LHFPL6: variants seen among roughly 807,000 people sequenced by gnomAD.
The protein encoded by LHFPL6 is LHFPL tetraspan subfamily member 6.
LHFPL6 carries 9 observed loss-of-function variants against 20.6 expected under a neutral mutation model. That is an observed-to-expected ratio of 0.44 (90% CI 0.26 to 0.76). The LOEUF (loss-of-function observed/expected upper bound fraction) is 0.76, where lower values mean the gene tolerates loss of function less well. Among genes scored for constraint, LHFPL6 ranks in the 30% least tolerant of loss-of-function variants. The pLI is 0.20. For missense variants in LHFPL6, 218 were observed against 253.5 expected, an observed-to-expected ratio of 0.86 and a Z score of 0.95; for synonymous variants, 105 against 98.7, an observed-to-expected ratio of 1.06 and a Z score of -0.38.
intron 2 of LHFPL6, among the ~76,000 whole-genome samples, chr13:39,441,627 C>G (rs1161023788): frequency 2.0e-5 from 3 of 151,308 alleles, no homozygotes; most frequent in African/African-American, 7.3e-5. Flanking sequence ...ATCCTCCCAC[C>G]TCAGCCTCCC....
intron 2 of LHFPL6, among the ~76,000 whole-genome samples, chr13:39,555,403 T>C (rs1447933705): frequency 2.0e-5 from 3 of 152,088 alleles, no homozygotes; most frequent in Non-Finnish European, 2.9e-5. Flanking sequence ...GATAGCGCTT[T>C]CTTTTAGGCA....
intron 2 of LHFPL6, among the ~76,000 whole-genome samples, chr13:39,519,703 T>C (rs1041321008): frequency 1.3e-5 from 2 of 152,206 alleles, no homozygotes; most frequent in African/African-American, 4.8e-5. Flanking sequence ...CAATCTATTC[T>C]TTCTCTCTGA....
At chr13:39,439,205 G>C (rs1269447738) in intron 2 of LHFPL6, among the ~76,000 whole-genome samples, 1 of 152,236 alleles carries the variant, frequency 6.6e-6, no homozygotes, top group East Asian at 1.9e-4. Flanking sequence ...CCCTGGATGT[G>C]AGACATGCAG....
intron 2 of LHFPL6, among the ~76,000 whole-genome samples, chr13:39,567,854 T>A (rs920906580): frequency 1.3e-5 from 2 of 152,224 alleles, no homozygotes; most frequent in Non-Finnish European, 2.9e-5. Flanking sequence ...AAGTGTCTAC[T>A]GCTGCTTTCC....
chr13:39,599,547 G>A (rs1470915852), intron 2 of LHFPL6, among the ~76,000 whole-genome samples: 6 of 152,138 alleles, frequency 3.9e-5, no homozygotes, highest in Non-Finnish European at 5.9e-5. Flanking sequence ...ACTGCCTCCC[G>A]GGAGGGACTA....
At chr13:39,518,275 G>C (rs927303556) in intron 2 of LHFPL6, among the ~76,000 whole-genome samples, 2 of 152,134 alleles carry the variant, frequency 1.3e-5, no homozygotes, top group Non-Finnish European at 2.9e-5. Context: ...CTTAAAGTTA[G>C]TTTTCCCAGA....
chr13:39,558,556 C>T (rs1022746518), intron 2 of LHFPL6, among the ~76,000 whole-genome samples: 1 of 152,164 alleles, frequency 6.6e-6, no homozygotes, highest in Non-Finnish European at 1.5e-5. Context: ...TTCAAAGTCA[C>T]TTACTTCCTC....
chr13:39,475,189 T>C (rs73175154), intron 2 of LHFPL6, among the ~76,000 whole-genome samples: 2,847 of 151,940 alleles, frequency 0.019, 110 homozygotes, highest in Admixed American at 0.086. Flanking sequence ...GAGACCAGAG[T>C]AGGGCAGAAG....
intron 2 of LHFPL6, among the ~76,000 whole-genome samples, chr13:39,512,615 A>AT (rs1869760806): frequency 6.9e-6 from 1 of 144,708 alleles, no homozygotes; most frequent in Admixed American, 6.9e-5. Context: ...AAAAAAAAAA[A>AT]GAAAAGAAAA....
intron 2 of LHFPL6, among the ~76,000 whole-genome samples, chr13:39,527,406 G>A (rs1379724272): frequency 2.0e-5 from 3 of 152,026 alleles, no homozygotes; most frequent in African/African-American, 7.3e-5. Flanking sequence ...ACAGTCCTCA[G>A]GAGAACAGAC....
At chr13:39,458,911 C>T (rs915430245) in intron 2 of LHFPL6, among the ~76,000 whole-genome samples, 4 of 152,172 alleles carry the variant, frequency 2.6e-5, no homozygotes, top group Middle Eastern at 3.4e-3. Context: ...AATTACTTTC[C>T]AGATGTTTTC....
intron 2 of LHFPL6, among the ~76,000 whole-genome samples, chr13:39,463,490 A>C (rs775024344): frequency 6.6e-6 from 1 of 152,218 alleles, no homozygotes; most frequent in South Asian, 2.1e-4. Context: ...TCCAATATAA[A>C]ATAATCTATT....
intron 2 of LHFPL6, among the ~76,000 whole-genome samples, chr13:39,504,651 T>C (rs758332429): frequency 9.9e-5 from 15 of 152,208 alleles, no homozygotes; most frequent in Admixed American, 3.9e-4. Flanking sequence ...GGACACCAGT[T>C]ACATTGGATT....
At chr13:39,589,895 A>C (rs1359365997) in intron 2 of LHFPL6, among the ~76,000 whole-genome samples, 3 of 152,154 alleles carry the variant, frequency 2.0e-5, no homozygotes, top group African/African-American at 7.2e-5. Flanking sequence ...ATGTAATACA[A>C]TTTTTGAATA....
At chr13:39,369,064 C>T (rs1390230243) in intron 3 of LHFPL6, among the ~76,000 whole-genome samples, 1 of 145,980 alleles carries the variant, frequency 6.9e-6, no homozygotes, top group East Asian at 2.0e-4. Flanking sequence ...AAGGCAAACT[C>T]AGGTACGTCT....
intron 2 of LHFPL6, among the ~76,000 whole-genome samples, chr13:39,526,014 A>C (rs1313100145): frequency 6.6e-6 from 1 of 152,214 alleles, no homozygotes; most frequent in Non-Finnish European, 1.5e-5. Flanking sequence ...AAGTCCTCCC[A>C]GTTAAAATGA....
At chr13:39,559,523 C>T (rs943624262) in intron 2 of LHFPL6, among the ~76,000 whole-genome samples, 1 of 152,196 alleles carries the variant, frequency 6.6e-6, no homozygotes, top group Admixed American at 6.5e-5. Context: ...CCACTTCCTC[C>T]AGTGCCATTC....
intron 3 of LHFPL6, among the ~76,000 whole-genome samples, chr13:39,346,309 T>A (rs1208567216): frequency 6.6e-6 from 1 of 152,024 alleles, no homozygotes; most frequent in African/African-American, 2.4e-5. Flanking sequence ...AGCTATGTTG[T>A]TCAGTCCTCA....
intron 1 of LHFPL6, among the ~76,000 whole-genome samples, 154 bp from the exon 2 acceptor site, chr13:39,601,544 C>G (rs1457273407): frequency 6.6e-6 from 1 of 152,206 alleles, no homozygotes; most frequent in African/African-American, 2.4e-5. Context: ...AGCTTCATAA[C>G]TCGATTTTTG....
Sources: allele counts gnomAD v4.1 joint callset (sites outside exome capture counted in the v4.1 genomes callset), GRCh38; gene constraint gnomAD v4.1.1; transcripts MANE v1.5; gene names NCBI Gene and HGNC (gene_info 2026-07-23, HGNC 2026-07-21).